DNAH10: variants seen among roughly 807,000 people sequenced by gnomAD.
DNAH10 encodes the protein dynein axonemal heavy chain 10.
Under a neutral mutation model 506.6 loss-of-function variants are expected in DNAH10, and 348 were observed. The observed-to-expected ratio is 0.69, with a 90% CI of 0.63 to 0.75. The LOEUF (loss-of-function observed/expected upper bound fraction) is 0.75, where lower values mean the gene tolerates loss of function less well. DNAH10 is among the 30% of genes least tolerant of loss of function. DNAH10 has a pLI of 0.00. For missense variants in DNAH10, 5,179 were observed against 5,787.1 expected, an observed-to-expected ratio of 0.89 and a Z score of 3.41; for synonymous variants, 2,059 against 2,198.6, an observed-to-expected ratio of 0.94 and a Z score of 1.78.
Position 123,796,689 on chromosome 12 carries a change from C to T in DNAH10, c.2020C>T (p.Leu674Phe). 4 of 1,612,064 alleles carry T rather than the reference C, an allele frequency of 2.5e-6. No individual in the cohort carries two copies. The highest frequency in any genetic ancestry group is 2.5e-6 in the Non-Finnish European group (3 of 1,179,416). Residue 674 changes from leucine (L) to phenylalanine (F), a missense_variant, in exon 13 of 79, where the codon CTT becomes TTT. Leu to Phe is a conservative substitution (Grantham distance 22). Coordinates refer to ENST00000673944, the MANE Select transcript of DNAH10 (RefSeq NM_001372106.1). ...CATTAATAAAATCTTTGTCCAGAAC[C>T]TTGAAAATCCACCACTGTATAAGAA... ...DIINKIFVQNLENPPLYKNHP... is the reference protein window; with the variant it reads ...DIINKIFVQNFENPPLYKNHP...
chr12:123,770,015 A>C (rs1049372455), intron 2 of DNAH10, among the ~76,000 whole-genome samples: 1 of 149,448 alleles, frequency 6.7e-6, no homozygotes, highest in African/African-American at 2.5e-5. Flanking sequence ...CCAAGGCAGG[A>C]GGATCACTTG....
chr12:123,779,198 C>A (rs1024333792), intron 5 of DNAH10, among the ~76,000 whole-genome samples: 2 of 150,898 alleles, frequency 1.3e-5, no homozygotes, highest in African/African-American at 4.9e-5. Context: ...CCACCGTGCC[C>A]GGCCTAATTT....
Position 123,928,910 on chromosome 12 carries a change from G to A in DNAH10, c.12306+323G>A, listed in dbSNP as rs1273146475. 90 of 462,918 alleles carry A rather than the reference G, an allele frequency of 1.9e-4. 1 individual carries two copies. Among genetic ancestry groups the A allele is most frequent in the East Asian group, 1.0e-3 (29 of 28,026 alleles). 28.7% of individuals were successfully genotyped at this position (462,918 alleles called of 1,614,324 possible). On this transcript the variant is annotated intron_variant, in intron 70 of 78. Coordinates refer to ENST00000673944, the MANE Select transcript of DNAH10 (RefSeq NM_001372106.1). This position sits in a 1 kb window ranked among gnomAD's most constrained non-coding sequence, Gnocchi z 4.9. ...CGCTAGTGCTGACTGCAGGAGTTTC[G>A]CGTGGTTTACATGCCCCATTTAATT...
intron 24 of DNAH10, among the ~76,000 whole-genome samples, chr12:123,823,612 T>A (rs1348672000): frequency 6.6e-6 from 1 of 152,224 alleles, no homozygotes; most frequent in South Asian, 2.1e-4. Context: ...TAAGTGGTTT[T>A]AAAATGTTTA....
chr12:123,772,232 C>CT (rs1957279313), intron 3 of DNAH10, among the ~76,000 whole-genome samples: 1 of 152,210 alleles, frequency 6.6e-6, no homozygotes, highest in Non-Finnish European at 1.5e-5. Context: ...TCCTGTATGA[C>CT]TGGGGCCCCA....
chr12:123,794,714 C>T (rs147076585), intron 12 of DNAH10, among the ~76,000 whole-genome samples: 13 of 151,800 alleles, frequency 8.6e-5, no homozygotes, highest in East Asian at 3.9e-4. Flanking sequence ...GGTGTGGTGG[C>T]GCACACCTAT....
In DNAH10 at chr12:123,862,124, C is replaced by T. The variant is rs902711372; in HGVS notation, c.6908+954C>T. ...CTGTGTCCTTCTCCGCATCTCATCA[C>T]GGGCACATGGTGTTGGTTGCCCTAT... is the stretch of plus-strand genomic sequence containing the variant. On this transcript the variant is annotated intron_variant, in intron 39 of 78. Coordinates refer to ENST00000673944, the MANE Select transcript of DNAH10 (RefSeq NM_001372106.1). Among the ~76,000 whole-genome samples, 12 of 152,298 alleles carry T rather than the reference C, an allele frequency of 7.9e-5. No individual in the cohort carries two copies. In the South Asian group the frequency reaches 1.5e-3, roughly 18 times the overall value.
intron 77 of DNAH10, 141 bp downstream of exon 77, chr12:123,933,652 C>T: frequency 2.0e-6 from 2 of 975,832 alleles, no homozygotes; most frequent in Non-Finnish European, 2.9e-6. Context: ...CAAATATTTC[C>T]TGTGTCTCTG....
Position 123,914,896 on chromosome 12 carries a change from A to G in DNAH10, c.10619A>G (p.Asn3540Ser), listed in dbSNP as rs982076612. 6.2e-7 allele frequency: 1 copy of G among 1,613,534 alleles called. No homozygotes were observed. The highest frequency in any genetic ancestry group is 1.3e-5 in the African/African-American group (1 of 74,912). ...CCCCCCGATGAGCTCTCCGTTCAGAATGGCATCCTCACCACCCGGGCCAGC... is the reference window on the plus strand; with the variant it reads ...CCCCCCGATGAGCTCTCCGTTCAGAGTGGCATCCTCACCACCCGGGCCAGC... Reference protein sequence around the residue: ...GLPPDELSVQNGILTTRASRF... With the variant: ...GLPPDELSVQSGILTTRASRF... Residue 3540 changes from asparagine (N) to serine (S), a missense_variant, in exon 62 of 79, where the codon AAT becomes AGT. Coordinates refer to ENST00000673944, the MANE Select transcript of DNAH10 (RefSeq NM_001372106.1).
Position 123,929,350 on chromosome 12 carries a change from G to T in DNAH10, c.12382G>T (p.Asp4128Tyr). The T allele has an allele frequency of 1.9e-6, 3 of 1,610,190 alleles. No individual in the cohort carries two copies. Among genetic ancestry groups the T allele is most frequent in the Non-Finnish European group, 2.5e-6 (3 of 1,178,242 alleles). ...CTTCAAGATCTCTCACGAAATGCTGGACCAGTGCCCGCACCCTGCCTTCAA... is the reference window on the plus strand; with the variant it reads ...CTTCAAGATCTCTCACGAAATGCTGTACCAGTGCCCGCACCCTGCCTTCAA... ...TYFKISHEML[D>Y]QCPHPAFKPL... Residue 4128 changes from aspartate (D) to tyrosine (Y), a missense_variant, in exon 71 of 79, where the codon GAC (aspartate) becomes TAC (tyrosine). By Grantham distance (160) the Asp-to-Tyr change is radical. Coordinates refer to ENST00000673944, the MANE Select transcript of DNAH10 (RefSeq NM_001372106.1).
At chr12:123,763,707 G>C (rs1956914834) in intron 1 of DNAH10, among the ~76,000 whole-genome samples, 1 of 151,178 alleles carries the variant, frequency 6.6e-6, no homozygotes, top group Non-Finnish European at 1.5e-5. Flanking sequence ...GGGACTACAG[G>C]TATGCGTCAC....
At chr12:123,807,502 C>A in intron 18 of DNAH10, among the ~76,000 whole-genome samples, 1 of 151,998 alleles carries the variant, frequency 6.6e-6, no homozygotes, top group East Asian at 1.9e-4. Context: ...TGAGCTGAAA[C>A]GGGGAAGAGC....
intron 19 of DNAH10, among the ~76,000 whole-genome samples, chr12:123,810,565 C>T (rs768928804): frequency 3.9e-5 from 6 of 151,932 alleles, no homozygotes; most frequent in Non-Finnish European, 5.9e-5. Flanking sequence ...TGGTGGCGGG[C>T]GCCTGTGGTC....
chr12:123,885,892 A>G (rs1269183034), intron 51 of DNAH10, among the ~76,000 whole-genome samples: 1 of 152,158 alleles, frequency 6.6e-6, no homozygotes, highest in Non-Finnish European at 1.5e-5. Flanking sequence ...TCTTTTGTGT[A>G]TTGCCCCTTT....
intron 24 of DNAH10, among the ~76,000 whole-genome samples, chr12:123,825,503 ACT>A (rs1959884207): frequency 6.6e-6 from 1 of 152,210 alleles, no homozygotes; most frequent in Non-Finnish European, 1.5e-5. Context: ...AACATGGGCG[ACT>A]CTCAGAATCG....
Position 123,917,598 on chromosome 12 carries a change from C to T in DNAH10, c.11017C>T (p.Leu3673=), listed in dbSNP as rs1186769336. The part of the protein sequence containing the change: ...VINYTVTLKG[L]EDQLLSVLVA... The stretch of plus-strand genomic sequence containing the variant: ...GTCCCCCACAGTCACGCTGAAGGGC[C>T]TGGAGGACCAGCTGCTGAGCGTGCT... The change falls in exon 64 of 79, where the codon CTG becomes TTG. Residue 3673 remains leucine, a synonymous_variant. Coordinates refer to ENST00000673944, the MANE Select transcript of DNAH10 (RefSeq NM_001372106.1). The surrounding 1 kb of genome is among the most constrained non-coding windows in gnomAD (Gnocchi z 5.6). The T allele has an allele frequency of 6.4e-7, 1 of 1,551,346 alleles. No homozygotes were observed.
chr12:123,838,309 T>A (rs1038724302), intron 28 of DNAH10, 147 bp from the exon 29 acceptor site: 3 of 630,804 alleles, frequency 4.8e-6, no homozygotes. Flanking sequence ...GATAAATGGA[T>A]CCCCTGAAAG....
At chr12:123,802,730 C>CT (rs772071953) in intron 16 of DNAH10, among the ~76,000 whole-genome samples, 2,864 of 131,998 alleles carry the variant, frequency 0.022, 57 homozygotes, top group African/African-American at 0.052. Context: ...TTTGCTGTCA[C>CT]TTTTTTTTTT....
In DNAH10 at chr12:123,825,779, C is replaced by T. The variant is rs1959918836; in HGVS notation, c.4180-908C>T. ...ACCTGTCAAAACTTTGCAGATTGTACCTTTAGTTATGGACAGCTTATTATA... is the reference window on the plus strand; with the variant it reads ...ACCTGTCAAAACTTTGCAGATTGTATCTTTAGTTATGGACAGCTTATTATA... On this transcript the variant is annotated intron_variant, in intron 24 of 78. Transcript: ENST00000673944. 2.0e-5 allele frequency among the ~76,000 whole-genome samples: 3 copies of T among 152,172 alleles called. No individual in the cohort carries two copies. In the South Asian group the frequency reaches 6.2e-4, roughly 32 times the overall value.
Sources: allele counts gnomAD v4.1 joint callset (sites outside exome capture counted in the v4.1 genomes callset), GRCh38; gene constraint gnomAD v4.1.1; non-coding constraint Gnocchi (gnomAD v3.1); transcripts MANE v1.5; gene names NCBI Gene and HGNC (gene_info 2026-07-23, HGNC 2026-07-21).